GPHN: variants seen among roughly 807,000 people sequenced by gnomAD.
GPHN encodes the protein gephyrin.
In GPHN, 17 loss-of-function variants were observed where a neutral mutation model predicts 95.5. The observed-to-expected ratio is 0.18, with a 90% CI of 0.12 to 0.27. The LOEUF (loss-of-function observed/expected upper bound fraction) is 0.27. Ranked by LOEUF, GPHN falls within the 10% of genes least tolerant of loss-of-function variation. GPHN has a pLI of 1.00. For missense variants in GPHN, 660 were observed against 978.1 expected, an observed-to-expected ratio of 0.67 and a Z score of 4.34; for synonymous variants, 320 against 322.5, an observed-to-expected ratio of 0.99 and a Z score of 0.08.
At chr14:67,697,682 T>C in the GPHN span, among the ~76,000 whole-genome samples, 1 of 149,666 alleles carries the variant, frequency 6.7e-6, no homozygotes, top group African/African-American at 2.4e-5. Flanking sequence ...CTGAAGCAGG[T>C]GGTGTTCCAT....
chr14:66,741,147 G>C (rs974565104), intron 2 of GPHN, among the ~76,000 whole-genome samples: 11 of 152,066 alleles, frequency 7.2e-5, no homozygotes, highest in African/African-American at 2.4e-4. Context: ...CCAACATTAG[G>C]GATTCAGTTT....
rs558876156 is a variant in GPHN at position 67,143,174 on chromosome 14, T to C, written c.1749-188T>C. On this transcript the variant is annotated intron_variant, in intron 17 of 22. Transcript: ENST00000478722. The stretch of plus-strand genomic sequence containing the variant: ...AGCCACTACTTCAGCATGTACAAGG[T>C]CCTTTCTCCATAATAAGACTTAATG... The C allele has an allele frequency of 3.2e-4, 186 of 573,930 alleles. 1 individual carries two copies. The South Asian group carries it at 3.4e-3, about 11-fold the overall frequency. 35.6% of individuals were successfully genotyped at this position (573,930 alleles called of 1,614,324 possible).
At chr14:67,288,293 ACTGGT>A in the GPHN span, among the ~76,000 whole-genome samples, 2 of 151,950 alleles carry the variant, frequency 1.3e-5, no homozygotes, top group Non-Finnish European at 2.9e-5. Context: ...TGTTGGCCAG[ACTGGT>A]CTTGAACTCC....
the GPHN span, among the ~76,000 whole-genome samples, chr14:67,437,657 G>T: frequency 7.2e-5 from 11 of 152,222 alleles, no homozygotes; most frequent in East Asian, 1.7e-3. Flanking sequence ...GCTGGAGGAG[G>T]GGGGAGAGAG....
intron 2 of GPHN, among the ~76,000 whole-genome samples, chr14:66,723,663 T>G (rs1294499903): frequency 2.0e-5 from 3 of 152,136 alleles, no homozygotes; most frequent in African/African-American, 4.8e-5. Flanking sequence ...CTCATAAATA[T>G]CTGGTAGAGA....
chr14:67,655,963 C>T, the GPHN span, among the ~76,000 whole-genome samples: 6 of 152,020 alleles, frequency 3.9e-5, no homozygotes, highest in African/African-American at 7.2e-5. Context: ...TTGAGCAAAG[C>T]GGCCGGGCAC....
At chr14:67,404,371 T>G in the GPHN span, among the ~76,000 whole-genome samples, 1 of 152,052 alleles carries the variant, frequency 6.6e-6, no homozygotes, top group Non-Finnish European at 1.5e-5. Flanking sequence ...AGCTGCAGTC[T>G]CAGCTACTCA....
At chr14:67,349,489 C>T in the GPHN span, among the ~76,000 whole-genome samples, 1 of 152,250 alleles carries the variant, frequency 6.6e-6, no homozygotes, top group East Asian at 1.9e-4. Context: ...ATTCCTTTAC[C>T]CTGGAAACTA....
intron 1 of GPHN, among the ~76,000 whole-genome samples, chr14:66,675,175 C>T (rs536144087): frequency 5.9e-4 from 75 of 126,786 alleles, no homozygotes; most frequent in Admixed American, 1.1e-3. Context: ...CGGAGTTTTA[C>T]GCTTGTTGCC....
chr14:66,964,412 G>A (rs1436688186), intron 8 of GPHN, among the ~76,000 whole-genome samples: 1 of 152,158 alleles, frequency 6.6e-6, no homozygotes, highest in Non-Finnish European at 1.5e-5. Flanking sequence ...ACGTCAGATA[G>A]CATGCTTAAA....
At chr14:66,554,947 A>G (rs185530257) in intron 1 of GPHN, among the ~76,000 whole-genome samples, 31 of 152,328 alleles carry the variant, frequency 2.0e-4, no homozygotes, top group Admixed American at 1.9e-3. Flanking sequence ...AGAAGCCTTC[A>G]TATATTCTAG....
At chr14:67,117,771 C>T (rs1187970432) in intron 16 of GPHN, among the ~76,000 whole-genome samples, 1 of 152,046 alleles carries the variant, frequency 6.6e-6, no homozygotes, top group Non-Finnish European at 1.5e-5. Context: ...ATAACAAAAA[C>T]AATATCAGCT....
intron 1 of GPHN, among the ~76,000 whole-genome samples, chr14:66,655,492 T>A (rs1280189716): frequency 6.6e-6 from 1 of 150,686 alleles, no homozygotes; most frequent in Admixed American, 6.6e-5. Flanking sequence ...ATTCTAGGAG[T>A]TTTTTCTAGG....
chr14:67,331,132 C>T, the GPHN span, among the ~76,000 whole-genome samples: 1 of 152,152 alleles, frequency 6.6e-6, no homozygotes, highest in Non-Finnish European at 1.5e-5. Context: ...GCAACCTCTG[C>T]TTCCTGGGTT....
At chr14:67,702,606 C>A in the GPHN span, among the ~76,000 whole-genome samples, 1 of 152,066 alleles carries the variant, frequency 6.6e-6, no homozygotes, top group Admixed American at 6.5e-5. Flanking sequence ...ATTTATTTTA[C>A]TAATAATTTT....
intron 4 of GPHN, among the ~76,000 whole-genome samples, chr14:66,832,854 T>C (rs2061632866): frequency 6.6e-6 from 1 of 152,134 alleles, no homozygotes; most frequent in African/African-American, 2.4e-5. Flanking sequence ...GAAATTTTTA[T>C]AAAATTCAGG....
chr14:66,682,948 G>T (rs937002296), intron 2 of GPHN, among the ~76,000 whole-genome samples: 1 of 151,738 alleles, frequency 6.6e-6, no homozygotes, highest in African/African-American at 2.4e-5. Context: ...CTTCTTCCTG[G>T]AATGTAGAAT....
At chr14:67,155,768 A>G (rs2081547566) in intron 18 of GPHN, among the ~76,000 whole-genome samples, 1 of 152,162 alleles carries the variant, frequency 6.6e-6, no homozygotes, top group Non-Finnish European at 1.5e-5. Flanking sequence ...CAAGCCAGAA[A>G]TTCTAGGAGC....
chr14:67,085,689 T>A (rs951350581), intron 11 of GPHN, among the ~76,000 whole-genome samples: 5 of 152,236 alleles, frequency 3.3e-5, no homozygotes, highest in Admixed American at 2.0e-4. Flanking sequence ...GATGATGGTG[T>A]ATGTAGTGAT....
Sources: gnomAD v4.1 joint callset for allele counts (sites outside exome capture counted in the v4.1 genomes callset) on GRCh38, gnomAD v4.1.1 for gene constraint, MANE v1.5 for transcripts, NCBI Gene and HGNC (gene_info 2026-07-23, HGNC 2026-07-21) for gene names.